Variants in MET observed in about 807,000 individuals in gnomAD.
MET encodes hepatocyte growth factor receptor.
In MET, 48 loss-of-function variants were observed where a neutral mutation model predicts 133.1. The ratio of observed to expected loss-of-function variants is 0.36; its 90% CI spans 0.29 to 0.46. The LOEUF is 0.46. MET is among the 20% of genes least tolerant of loss of function. The pLI is 1.00. For synonymous variants in MET, 628 were observed against 616.5 expected, an observed-to-expected ratio of 1.02 and a Z score of -0.28; for missense variants, 1,442 against 1,695.9, an observed-to-expected ratio of 0.85 and a Z score of 2.63.
chr7:116,713,779 C>T (rs1010405928), intron 2 of MET, among the ~76,000 whole-genome samples: 2 of 152,266 alleles, frequency 1.3e-5, no homozygotes, highest in Non-Finnish European at 1.5e-5. Context: ...TATATTGGGA[C>T]ACAATTGAAG....
chr7:116,777,259 AT>A, intron 15 of MET, 129 bp from the exon 16 acceptor site: 1 of 803,888 alleles, frequency 1.2e-6, no homozygotes, highest in South Asian at 1.5e-5. Flanking sequence ...TGTTAAAAGT[AT>A]TTTTTAAATG....
intron 15 of MET, among the ~76,000 whole-genome samples, chr7:116,775,574 CG>C (rs1794968881): frequency 6.6e-6 from 1 of 152,030 alleles, no homozygotes; most frequent in South Asian, 2.1e-4. Flanking sequence ...GGCGTGGTGG[CG>C]GGTGCCTTTA....
intron 19 of MET, among the ~76,000 whole-genome samples, chr7:116,784,721 A>G (rs1426323596): frequency 6.6e-6 from 1 of 152,084 alleles, no homozygotes; most frequent in African/African-American, 2.4e-5. Context: ...ACAGAGTCAA[A>G]CCATATCATT....
chr7:116,778,902 T>C lies in MET; in HGVS notation c.3467T>C (p.Val1156Ala), dbSNP rs2117047452. The stretch of plus-strand genomic sequence containing the variant: ...CGAAGTGAAGGGTCTCCGCTGGTGG[T>C]CCTACCATACATGAAACATGGAGAT... ...CLRSEGSPLVVLPYMKHGDLR... is the reference protein window; with the variant it reads ...CLRSEGSPLVALPYMKHGDLR... The change falls in exon 17 of 21, where the codon GTC becomes GCC. Residue 1156 changes from valine to alanine, a missense_variant. Physicochemically the swap from Val to Ala is moderately conservative, Grantham distance 64 (BLOSUM62 0). This residue lies in a region of MET where 514 missense variants were observed against 659.6 expected (regional missense o/e 0.78). Coordinates refer to ENST00000397752, the MANE Select transcript of MET (RefSeq NM_000245.4). 6.2e-7 allele frequency: 1 copy of C among 1,613,992 alleles called. No homozygotes were observed. Among genetic ancestry groups the C allele is most frequent in the South Asian group, 1.1e-5 (1 of 91,076 alleles).
In MET at chr7:116,749,977, A is replaced by T. The variant is rs576184179; in HGVS notation, c.1702-5378A>T. ...ACATTCCATGCTCATGGATAGGAAG[A>T]CTCAATATTGTGAAAATGGCCATAT... On this transcript the variant is annotated intron_variant, in intron 5 of 20. Coordinates refer to ENST00000397752, the MANE Select transcript of MET (RefSeq NM_000245.4). Among the ~76,000 whole-genome samples, 3 of 152,324 alleles carry T rather than the reference A, an allele frequency of 2.0e-5. No individual in the cohort carries two copies. In the East Asian group the frequency reaches 5.8e-4, roughly 29 times the overall value.
chr7:116,770,397 T>G (rs1359474280), intron 12 of MET, among the ~76,000 whole-genome samples: 1 of 152,178 alleles, frequency 6.6e-6, no homozygotes, highest in Non-Finnish European at 1.5e-5. Context: ...TATTGTCAAT[T>G]TCTTTGAATT....
chr7:116,712,050 T>TG (rs1486738970), intron 2 of MET, among the ~76,000 whole-genome samples: 1 of 152,160 alleles, frequency 6.6e-6, no homozygotes, highest in Non-Finnish European at 1.5e-5. Context: ...TGTTATGAGA[T>TG]GGTTCAAGCA....
At chr7:116,776,493 C>A (rs1176750613) in intron 15 of MET, among the ~76,000 whole-genome samples, 1 of 152,166 alleles carries the variant, frequency 6.6e-6, no homozygotes, top group East Asian at 1.9e-4. Flanking sequence ...GCAATTATTT[C>A]TCTTTTGAAG....
At chr7:116,781,868 A>T in intron 17 of MET, 120 bp from the exon 18 acceptor site, 1 of 746,400 alleles carries the variant, frequency 1.3e-6, no homozygotes, top group Non-Finnish European at 2.3e-6. Context: ...TTGAGCCATT[A>T]AGACCAAACT....
At chr7:116,780,176 A>T (rs1795112470) in intron 17 of MET, among the ~76,000 whole-genome samples, 1 of 152,142 alleles carries the variant, frequency 6.6e-6, no homozygotes, top group Non-Finnish European at 1.5e-5. Flanking sequence ...CTTGACATTT[A>T]TGCCAGGACC....
At chr7:116,758,694 G>A (rs2116933733) in intron 9 of MET, 74 bp downstream of exon 9, 2 of 1,470,398 alleles carry the variant, frequency 1.4e-6, no homozygotes, top group Non-Finnish European at 1.9e-6. Flanking sequence ...TAGTCAAGAG[G>A]AATTGCAGTT....
At chr7:116,682,240 G>A (rs1796388544) in intron 1 of MET, among the ~76,000 whole-genome samples, 1 of 152,204 alleles carries the variant, frequency 6.6e-6, no homozygotes, top group African/African-American at 2.4e-5. Flanking sequence ...TATGTCATAA[G>A]TTGATTAATT....
chr7:116,759,671 C>A (rs989849573), intron 10 of MET, 181 bp downstream of exon 10: 3 of 718,558 alleles, frequency 4.2e-6, no homozygotes, highest in Middle Eastern at 2.4e-4. Context: ...CTTGGGCTAA[C>A]CATGTGGAAA....
At chr7:116,766,086 T>C (rs755641668) in intron 11 of MET, among the ~76,000 whole-genome samples, 1 of 152,344 alleles carries the variant, frequency 6.6e-6, no homozygotes, top group Non-Finnish European at 1.5e-5. Flanking sequence ...GCTCTTAACT[T>C]TTTATAAATA....
At chr7:116,708,665 G>C (rs1584887543) in intron 2 of MET, among the ~76,000 whole-genome samples, 1 of 152,236 alleles carries the variant, frequency 6.6e-6, no homozygotes, top group East Asian at 1.9e-4. Context: ...TTTAGATCCT[G>C]CTCACACTCA....
intron 1 of MET, among the ~76,000 whole-genome samples, chr7:116,686,913 A>G (rs1796581236): frequency 6.6e-6 from 1 of 152,190 alleles, no homozygotes; most frequent in Admixed American, 6.5e-5. Context: ...CTTATCCTGC[A>G]AGACACAGCT....
intron 1 of MET, among the ~76,000 whole-genome samples, chr7:116,686,168 A>C (rs1796548393): frequency 6.6e-6 from 1 of 152,000 alleles, no homozygotes; most frequent in Non-Finnish European, 1.5e-5. Flanking sequence ...ATTTCACTCC[A>C]ATAAAAACCT....
intron 5 of MET, among the ~76,000 whole-genome samples, chr7:116,754,983 G>GGAAAGAAAGAAAGAAAGAAAGAGAAA (rs1794105005): frequency 1.3e-5 from 1 of 78,632 alleles, no homozygotes; most frequent in Admixed American, 1.5e-4. Flanking sequence ...AGCAGAGAAA[G>GGAAAGAAAGAAAGAAAGAAAGAGAAA]GAAAGAAAGA....
At chr7:116,676,992 T>G (rs1045791936) in intron 1 of MET, among the ~76,000 whole-genome samples, 2 of 151,790 alleles carry the variant, frequency 1.3e-5, no homozygotes, top group African/African-American at 4.8e-5. Flanking sequence ...TGTTTTGTTT[T>G]TTTTTTTGTT....
Sources: allele counts gnomAD v4.1 joint callset (sites outside exome capture counted in the v4.1 genomes callset), GRCh38; gene constraint gnomAD v4.1.1; regional missense constraint gnomAD v4.1.1; transcripts MANE v1.5; gene names NCBI Gene and HGNC (gene_info 2026-07-23, HGNC 2026-07-21).